Variants in HEMK2 observed in about 807,000 individuals in gnomAD.
HEMK2 encodes the protein methyltransferase HEMK2.
the HEMK2 span, among the ~76,000 whole-genome samples, chr21:28,690,781 A>AT: frequency 1.3e-5 from 2 of 152,082 alleles, no homozygotes; most frequent in East Asian, 1.9e-4. Context: ...ATTTACCTCA[A>AT]TTTTTTAGAA....
At chr21:28,602,476 G>A in the HEMK2 span, among the ~76,000 whole-genome samples, 1 of 152,106 alleles carries the variant, frequency 6.6e-6, no homozygotes, top group Non-Finnish European at 1.5e-5. Flanking sequence ...AGTGAACAAT[G>A]GTTCACCACA....
chr21:28,861,115 A>G, the HEMK2 span, among the ~76,000 whole-genome samples: 2 of 152,246 alleles, frequency 1.3e-5, no homozygotes, highest in African/African-American at 4.8e-5. Context: ...CAGCACCTGC[A>G]TCTTTGAAGA....
At chr21:28,715,240 A>G in the HEMK2 span, among the ~76,000 whole-genome samples, 1 of 152,088 alleles carries the variant, frequency 6.6e-6, no homozygotes, top group Non-Finnish European at 1.5e-5. Context: ...AGCTGAACTA[A>G]TTTACATTCC....
the HEMK2 span, among the ~76,000 whole-genome samples, chr21:28,624,806 T>G: frequency 6.6e-6 from 1 of 152,218 alleles, no homozygotes; most frequent in Non-Finnish European, 1.5e-5. Flanking sequence ...GTAGCCTGTC[T>G]ACACCTGAGG....
At chr21:28,723,783 A>C in the HEMK2 span, among the ~76,000 whole-genome samples, 1 of 152,170 alleles carries the variant, frequency 6.6e-6, no homozygotes, top group African/African-American at 2.4e-5. Flanking sequence ...GAACCCAAAA[A>C]TGATTTTTTA....
chr21:28,746,186 T>C, the HEMK2 span, among the ~76,000 whole-genome samples: 458 of 152,338 alleles, frequency 3.0e-3, 4 homozygotes, highest in African/African-American at 0.01. Context: ...AAAATATGTA[T>C]ACATCCTACA....
the HEMK2 span, among the ~76,000 whole-genome samples, chr21:28,751,656 A>C: frequency 1.3e-5 from 2 of 152,302 alleles, no homozygotes; most frequent in South Asian, 4.1e-4. Flanking sequence ...TTTGTTCAGA[A>C]CCACCATAAG....
chr21:28,620,896 T>A, the HEMK2 span, among the ~76,000 whole-genome samples: 1 of 151,842 alleles, frequency 6.6e-6, no homozygotes, highest in South Asian at 2.1e-4. Context: ...ATAGTTTTGA[T>A]CTCTTGACCT....
chr21:28,726,071 C>A, the HEMK2 span, among the ~76,000 whole-genome samples: 292 of 152,184 alleles, frequency 1.9e-3, 1 homozygote, highest in African/African-American at 6.5e-3. Flanking sequence ...ATTTTCCCCA[C>A]AGAACTTTAT....
chr21:28,592,583 G>A, the HEMK2 span, among the ~76,000 whole-genome samples: 1 of 152,340 alleles, frequency 6.6e-6, no homozygotes, highest in East Asian at 1.9e-4. Flanking sequence ...GGAGGCAGAC[G>A]ACTCTGGAGG....
chr21:28,815,651 T>C, the HEMK2 span, among the ~76,000 whole-genome samples: 1 of 152,034 alleles, frequency 6.6e-6, no homozygotes, highest in Non-Finnish European at 1.5e-5. Flanking sequence ...GCTACAGTTA[T>C]CACAATCAGC....
chr21:28,694,850 T>G, the HEMK2 span, among the ~76,000 whole-genome samples: 1 of 152,012 alleles, frequency 6.6e-6, no homozygotes, highest in Non-Finnish European at 1.5e-5. Context: ...TACAAAAAAT[T>G]AGCCGGGCGT....
the HEMK2 span, among the ~76,000 whole-genome samples, chr21:28,881,516 G>A: frequency 6.6e-6 from 1 of 152,118 alleles, no homozygotes; most frequent in Non-Finnish European, 1.5e-5. Context: ...TTGTTACCAT[G>A]AAGGGAAGAC....
At chr21:28,744,172 T>C in the HEMK2 span, among the ~76,000 whole-genome samples, 6 of 152,190 alleles carry the variant, frequency 3.9e-5, no homozygotes, top group East Asian at 7.7e-4. Context: ...AAATACTCTG[T>C]ACACCAAACC....
the HEMK2 span, among the ~76,000 whole-genome samples, chr21:28,852,780 T>C: frequency 6.6e-6 from 1 of 152,252 alleles, no homozygotes; most frequent in African/African-American, 2.4e-5. Flanking sequence ...TCTCTGCTTA[T>C]ATAAATTAAG....
chr21:28,785,050 G>A, the HEMK2 span, among the ~76,000 whole-genome samples: 56 of 152,154 alleles, frequency 3.7e-4, no homozygotes, highest in African/African-American at 9.9e-4. Context: ...CTCCAGATGC[G>A]CTGCCTTAAG....
chr21:28,765,355 T>C, the HEMK2 span, among the ~76,000 whole-genome samples: 2 of 152,228 alleles, frequency 1.3e-5, no homozygotes, highest in South Asian at 4.1e-4. Flanking sequence ...AAACTCCGGA[T>C]GTACAGAAAC....
chr21:28,589,590 G>C, the HEMK2 span, among the ~76,000 whole-genome samples: 1 of 152,088 alleles, frequency 6.6e-6, no homozygotes, highest in Admixed American at 6.6e-5. Context: ...AAGGACAGTG[G>C]ACAGTGGGAG....
At chr21:28,788,001 G>C in the HEMK2 span, among the ~76,000 whole-genome samples, 4 of 151,680 alleles carry the variant, frequency 2.6e-5, no homozygotes, top group South Asian at 8.3e-4. Flanking sequence ...ACTATGGTAT[G>C]TATATATATA....
Sources: allele counts gnomAD v4.1 joint callset (sites outside exome capture counted in the v4.1 genomes callset), GRCh38; gene constraint gnomAD v4.1.1; transcripts MANE v1.5; gene names NCBI Gene and HGNC (gene_info 2026-07-23, HGNC 2026-07-21).